The following VPS41 variants were observed in gnomAD, a reference collection of about 807,000 sequenced individuals.
VPS41 encodes the protein vacuolar protein sorting-associated protein 41 homolog.
Under a neutral mutation model 130.9 loss-of-function variants are expected in VPS41, and 85 were observed. The ratio of observed to expected loss-of-function variants is 0.65; its 90% confidence interval spans 0.55 to 0.78. The LOEUF is 0.78. VPS41 is among the 30% of genes least tolerant of loss of function. VPS41 has a pLI of 0.00. For missense variants in VPS41, 874 were observed against 1,018.7 expected (o/e 0.86, Z 1.93); for synonymous variants, 335 against 332.9 (o/e 1.01, Z -0.07).
At chr7:38,886,008 G>C (rs972190049) in intron 2 of VPS41, among the ~76,000 whole-genome samples, 3 of 152,056 alleles carry the variant, frequency 2.0e-5, no homozygotes, top group Non-Finnish European at 4.4e-5. Flanking sequence ...GAGAAAACCA[G>C]CTTTTTAAAA....
intron 10 of VPS41, among the ~76,000 whole-genome samples, chr7:38,777,983 T>C (rs891032323): frequency 6.6e-6 from 1 of 152,244 alleles, no homozygotes; most frequent in Admixed American, 6.5e-5. Context: ...TTAGTGTTCC[T>C]TGTCTCTGCT....
intron 4 of VPS41, among the ~76,000 whole-genome samples, chr7:38,858,837 T>C (rs1306788568): frequency 2.0e-5 from 3 of 152,224 alleles, no homozygotes; most frequent in Admixed American, 2.0e-4. Flanking sequence ...TTTACTATAC[T>C]ATATTTCTTA....
chr7:38,828,861 T>C (rs1343091971), intron 5 of VPS41, among the ~76,000 whole-genome samples: 1 of 152,220 alleles, frequency 6.6e-6, no homozygotes, highest in Admixed American at 6.5e-5. Flanking sequence ...TATTCCACTT[T>C]GGTGCATTAA....
intron 17 of VPS41, 21 bp downstream of exon 17, chr7:38,763,434 G>T: frequency 1.3e-6 from 2 of 1,498,988 alleles, no homozygotes; most frequent in South Asian, 2.5e-5. Context: ...AAGTAAATAT[G>T]ACCACATCAG....
intron 10 of VPS41, among the ~76,000 whole-genome samples, chr7:38,786,907 C>G (rs532795340): frequency 1.3e-5 from 2 of 152,060 alleles, no homozygotes; most frequent in African/African-American, 2.4e-5. Context: ...ATACTTAGAT[C>G]TAGGAAAGAA....
At chr7:38,822,236 A>T (rs1482285658) in intron 5 of VPS41, among the ~76,000 whole-genome samples, 1 of 152,154 alleles carries the variant, frequency 6.6e-6, no homozygotes, top group Non-Finnish European at 1.5e-5. Context: ...ACAAATCATA[A>T]ATTTATAGTT....
Position 38,753,384 on chromosome 7 carries a change from C to T in VPS41, c.1789-1071G>A, listed in dbSNP as rs754053752. ...CTGTTCACTTCTTCCTAAGGCAAAACGGAGCAGTACAAGCAGTAGACTGAA... is the reference window on the plus strand; with the variant it reads ...CTGTTCACTTCTTCCTAAGGCAAAATGGAGCAGTACAAGCAGTAGACTGAA... On this transcript the variant is annotated intron_variant, in intron 21 of 28. Transcript: ENST00000310301. Among the ~76,000 whole-genome samples, 10 of 151,986 alleles carry T rather than the reference C, an allele frequency of 6.6e-5. No individual in the cohort carries two copies. In the South Asian group the frequency reaches 8.3e-4, roughly 13 times the overall value.
At chr7:38,896,301 T>C (rs1396783741) in intron 2 of VPS41, among the ~76,000 whole-genome samples, 1 of 152,218 alleles carries the variant, frequency 6.6e-6, no homozygotes, top group African/African-American at 2.4e-5. Flanking sequence ...AAAATGCTTT[T>C]CAATACTGTA....
intron 2 of VPS41, among the ~76,000 whole-genome samples, chr7:38,887,359 A>C (rs1292037895): frequency 6.6e-6 from 1 of 152,242 alleles, no homozygotes; most frequent in East Asian, 1.9e-4. Context: ...TGAAAACCAC[A>C]ATATGAGAAC....
At chr7:38,869,757 A>T (rs1234566025) in intron 2 of VPS41, among the ~76,000 whole-genome samples, 1 of 152,190 alleles carries the variant, frequency 6.6e-6, no homozygotes, top group Admixed American at 6.5e-5. Flanking sequence ...TCATAAAAAT[A>T]ATCTACTCAT....
chr7:38,741,851 A>G, intron 25 of VPS41, 134 bp downstream of exon 25: 1 of 995,946 alleles, frequency 1.0e-6, no homozygotes, highest in South Asian at 1.5e-5. Flanking sequence ...AGTTTTCTAA[A>G]TATCTGGGCC....
At chr7:38,894,132 CAA>C (rs924194732) in intron 2 of VPS41, among the ~76,000 whole-genome samples, 1 of 151,840 alleles carries the variant, frequency 6.6e-6, no homozygotes, top group Non-Finnish European at 1.5e-5. Context: ...GCCTGTCCTT[CAA>C]AAAAAGTTTA....
intron 12 of VPS41, 49 bp downstream of exon 12, chr7:38,774,065 AG>A (rs1357603487): frequency 6.8e-7 from 1 of 1,463,850 alleles, no homozygotes; most frequent in African/African-American, 2.0e-5. Flanking sequence ...AGGAAGGGGG[AG>A]AAAAAAACAT....
At chr7:38,810,753 T>A (rs914289191) in intron 7 of VPS41, among the ~76,000 whole-genome samples, 2 of 152,230 alleles carry the variant, frequency 1.3e-5, no homozygotes, top group African/African-American at 4.8e-5. Context: ...CAGAAAGTCA[T>A]AACCTCTCAG....
intron 18 of VPS41, among the ~76,000 whole-genome samples, chr7:38,757,428 C>T (rs568923069): frequency 1.3e-5 from 2 of 152,224 alleles, no homozygotes; most frequent in East Asian, 3.9e-4. Context: ...ATGTGTTTTT[C>T]CATTGAAACA....
chr7:38,785,650 G>A (rs1315047073), intron 10 of VPS41, among the ~76,000 whole-genome samples: 2 of 152,100 alleles, frequency 1.3e-5, no homozygotes, highest in African/African-American at 4.8e-5. Context: ...CTAATCACAA[G>A]GTTCAAACCA....
intron 5 of VPS41, among the ~76,000 whole-genome samples, chr7:38,827,481 A>C (rs1785302622): frequency 6.6e-6 from 1 of 152,206 alleles, no homozygotes; most frequent in African/African-American, 2.4e-5. Context: ...CAATAATGGG[A>C]GACAGGAAGA....
In VPS41 at chr7:38,777,587, T is replaced by A. The variant is rs943115423; in HGVS notation, c.785-811A>T. Reference sequence around the variant, plus strand: ...TTGTTTCAGAGCAGAAGCTAACTGATACAGTAGTGGTATTACAGAGATCCT... The same window carrying A: ...TTGTTTCAGAGCAGAAGCTAACTGAAACAGTAGTGGTATTACAGAGATCCT... On this transcript the variant is annotated intron_variant, in intron 10 of 28. Coordinates refer to ENST00000310301, the MANE Select transcript of VPS41 (RefSeq NM_014396.4). Among the ~76,000 whole-genome samples the A allele has an allele frequency of 5.9e-5, 9 of 152,332 alleles. 1 individual carries two copies. In the South Asian group the frequency reaches 1.9e-3, roughly 32 times the overall value.
intron 10 of VPS41, among the ~76,000 whole-genome samples, chr7:38,784,161 T>C (rs1361567855): frequency 6.6e-6 from 1 of 152,250 alleles, no homozygotes; most frequent in Non-Finnish European, 1.5e-5. Context: ...ATTACTATGC[T>C]GTGAGGCAGT....
Sources: allele counts gnomAD v4.1 joint callset (sites outside exome capture counted in the v4.1 genomes callset), GRCh38; gene constraint gnomAD v4.1.1; transcripts MANE v1.5; gene names NCBI Gene and HGNC (gene_info 2026-07-23, HGNC 2026-07-21).